LRRK1: variants seen among roughly 807,000 people sequenced by gnomAD.
LRRK1 encodes the protein leucine rich repeat kinase 1, also known as leucine-rich repeat serine/threonine-protein kinase 1.
LRRK1 carries 113 observed loss-of-function variants against 209.1 expected under a neutral mutation model. That is an observed-to-expected ratio of 0.54 (90% confidence interval 0.46 to 0.63). The LOEUF (loss-of-function observed/expected upper bound fraction) is 0.63, where lower values mean the gene tolerates loss of function less well. Among genes scored for constraint, LRRK1 ranks in the 30% least tolerant of loss-of-function variants. LRRK1 has a pLI of 0.00. For missense variants in LRRK1, 2,284 were observed against 2,632.2 expected, an observed-to-expected ratio of 0.87 and a Z score of 2.89; for synonymous variants, 1,144 against 1,099.7, an observed-to-expected ratio of 1.04 and a Z score of -0.80.
chr15:100,952,363 G>A (rs1298363683), intron 2 of LRRK1, among the ~76,000 whole-genome samples: 1 of 152,188 alleles, frequency 6.6e-6, no homozygotes, highest in African/African-American at 2.4e-5. Flanking sequence ...TGTGACCGAT[G>A]TATCCATCTT....
intron 33 of LRRK1, chr15:101,067,101 G>A (rs893522147): frequency 2.8e-6 from 1 of 361,522 alleles, no homozygotes; most frequent in African/African-American, 2.1e-5. Context: ...CCTACCCGAG[G>A]TGTCCACCAG....
intron 23 of LRRK1, chr15:101,050,746 T>C (rs1439108678): frequency 6.6e-6 from 1 of 152,404 alleles, no homozygotes; most frequent in African/African-American, 2.4e-5. Flanking sequence ...CTGTCAGGGT[T>C]GGGGTCCTTC....
In LRRK1 at chr15:100,966,806, C is replaced by G. The variant is rs150121643; in HGVS notation, c.98-6998C>G. The stretch of plus-strand genomic sequence containing the variant: ...AAGAAAACTGAGCAGGTTCTAGATT[C>G]TTATTACATCATTTACTCCACACAC... On this transcript the variant is annotated intron_variant, in intron 2 of 33. Transcript: ENST00000388948. Among the ~76,000 whole-genome samples, 4 of 152,278 alleles carry G rather than the reference C, an allele frequency of 2.6e-5. No individual in the cohort carries two copies. The East Asian group carries it at 7.7e-4, about 29-fold the overall frequency.
intron 20 of LRRK1, 94 bp from the exon 21 acceptor site, chr15:101,045,887 C>A: frequency 9.4e-7 from 1 of 1,067,544 alleles, no homozygotes; most frequent in Non-Finnish European, 1.4e-6. Context: ...TGTTCCAGCA[C>A]AGCCTGTCCC....
At chr15:100,964,540 C>T (rs930691932) in intron 2 of LRRK1, among the ~76,000 whole-genome samples, 27 of 152,208 alleles carry the variant, frequency 1.8e-4, no homozygotes, top group Admixed American at 1.6e-3. Flanking sequence ...ACAACTATGA[C>T]CAGGTCAGTA....
At chr15:100,938,341 G>A (rs1464342219) in intron 2 of LRRK1, among the ~76,000 whole-genome samples, 2 of 152,028 alleles carry the variant, frequency 1.3e-5, no homozygotes, top group African/African-American at 4.8e-5. Context: ...GGGATACAGA[G>A]TGATACTTGG....
Position 101,070,246 on chromosome 15 carries a change from C to T in LRRK1, c.*1398C>T, listed in dbSNP as rs1426415034. The T allele has an allele frequency of 4.0e-5, 6 of 150,904 alleles. No individual in the cohort carries two copies. In the East Asian group the frequency reaches 1.2e-3, roughly 29 times the overall value. 9.3% of individuals were successfully genotyped at this position (150,904 alleles called of 1,614,324 possible). A position where few individuals can be genotyped will look rare whatever the true frequency, so the allele number is the denominator to read the frequency against. On this transcript the variant is annotated 3_prime_UTR_variant, in exon 34 of 34. Transcript: ENST00000388948. ...CAACATGCAGGTGGCCCCTGAGCAG[C>T]TTCCATGGGTGGAGACGCTGCTCTG...
At chr15:101,034,612 G>GGT (rs1282738935) in intron 20 of LRRK1, among the ~76,000 whole-genome samples, 1 of 151,898 alleles carries the variant, frequency 6.6e-6, no homozygotes, top group Admixed American at 6.6e-5. Flanking sequence ...CATTAGTCTA[G>GGT]GTGTCTATTT....
intron 2 of LRRK1, among the ~76,000 whole-genome samples, chr15:100,934,802 CAAA>C (rs56258040): frequency 0.093 from 4,933 of 53,282 alleles, 245 homozygotes; most frequent in African/African-American, 0.24. Flanking sequence ...GAAACTGTCT[CAAA>C]AAAAAAAAAA....
intron 2 of LRRK1, among the ~76,000 whole-genome samples, chr15:100,931,641 G>A (rs559816749): frequency 7.4e-4 from 113 of 152,294 alleles, no homozygotes; most frequent in Admixed American, 1.2e-3. Context: ...TGCTGGTGGG[G>A]CTGGCGCGGG....
chr15:101,038,637 T>C (rs943541451), intron 20 of LRRK1, among the ~76,000 whole-genome samples: 9 of 152,196 alleles, frequency 5.9e-5, no homozygotes, highest in African/African-American at 1.7e-4. Context: ...CTGCCTTGCT[T>C]CCTTGTCCTT....
At chr15:101,031,627 G>A (rs1348510351) in intron 20 of LRRK1, among the ~76,000 whole-genome samples, 2 of 152,076 alleles carry the variant, frequency 1.3e-5, no homozygotes, top group African/African-American at 4.8e-5. Flanking sequence ...AACCAGGAGT[G>A]GAATTGCTGG....
At chr15:100,982,366 C>G (rs2031650980) in intron 3 of LRRK1, among the ~76,000 whole-genome samples, 1 of 152,220 alleles carries the variant, frequency 6.6e-6, no homozygotes, top group Non-Finnish European at 1.5e-5. Context: ...ATCTGAGCAT[C>G]CTTTTCTCAG....
intron 2 of LRRK1, among the ~76,000 whole-genome samples, chr15:100,946,771 C>G (rs1382324352): frequency 6.6e-6 from 1 of 152,098 alleles, no homozygotes; most frequent in Non-Finnish European, 1.5e-5. Context: ...AGCACCAAAC[C>G]TAGACATCAT....
intron 20 of LRRK1, among the ~76,000 whole-genome samples, chr15:101,034,731 A>T (rs2034428797): frequency 6.6e-6 from 1 of 152,092 alleles, no homozygotes; most frequent in African/African-American, 2.4e-5. Flanking sequence ...TGCTTTAGCT[A>T]TTCAATCTCT....
At chr15:101,065,105 G>A in intron 31 of LRRK1, 2 of 565,766 alleles carry the variant, frequency 3.5e-6, no homozygotes, top group Non-Finnish European at 6.3e-6. Context: ...TGGTGCCACA[G>A]GCCCTGCCTC....
chr15:100,983,835 C>T, intron 4 of LRRK1, 136 bp downstream of exon 4: 1 of 906,848 alleles, frequency 1.1e-6, no homozygotes. Context: ...GACACCCAAA[C>T]AAAGTGAAGC....
At chr15:101,043,788 AGTT>A (rs2141119234) in intron 20 of LRRK1, 1 of 152,388 alleles carries the variant, frequency 6.6e-6, no homozygotes, top group South Asian at 2.0e-4. Context: ...TAAGTATGAT[AGTT>A]GTTGTGAGGA....
intron 2 of LRRK1, among the ~76,000 whole-genome samples, chr15:100,928,487 C>T (rs1322321524): frequency 6.6e-6 from 1 of 152,208 alleles, no homozygotes; most frequent in Non-Finnish European, 1.5e-5. Context: ...ATTTCCAGCT[C>T]CGGCTGAGAA....
Sources: allele counts gnomAD v4.1 joint callset (sites outside exome capture counted in the v4.1 genomes callset), GRCh38; gene constraint gnomAD v4.1.1; transcripts MANE v1.5; gene names NCBI Gene and HGNC (gene_info 2026-07-23, HGNC 2026-07-21).